POU2F2: variants seen among roughly 807,000 people sequenced by gnomAD.
POU2F2 encodes the protein POU domain, class 2, transcription factor 2.
A neutral mutation model predicts 63.5 loss-of-function variants in POU2F2; 14 were observed. That is an observed-to-expected ratio of 0.22 (90% confidence interval 0.15 to 0.34). The LOEUF (loss-of-function observed/expected upper bound fraction) is 0.34. POU2F2 is among the 10% of genes least tolerant of loss of function. POU2F2 has a pLI of 1.00. For synonymous variants in POU2F2, 306 were observed against 348.6 expected, an observed-to-expected ratio of 0.88 and a Z score of 1.36; for missense variants, 607 against 815.2, an observed-to-expected ratio of 0.74 and a Z score of 3.11.
At chr19:42,197,690 G>A (rs2035167689), upstream of POU2F2, among the ~76,000 whole-genome samples, 1 of 152,206 alleles carries the variant, frequency 6.6e-6, no homozygotes, top group South Asian at 2.1e-4. Flanking sequence ...AACAGCAGGA[G>A]GAAGTGTTTG....
chr19:42,121,279 C>T lies in POU2F2; in HGVS notation c.186+847G>A, dbSNP rs534686185. Among the ~76,000 whole-genome samples, 11 of 152,280 alleles carry T rather than the reference C, an allele frequency of 7.2e-5. 1 individual carries two copies. In the South Asian group the frequency reaches 1.9e-3, roughly 26 times the overall value. ...CCGTTCAAAGCGCTCAGCACAGAAG[C>T]AGGACATCTGCTCACAAAGCACTTT... On this transcript the variant is annotated intron_variant, in intron 4 of 14. Transcript: ENST00000692977.
rs1274276345 is a variant in POU2F2, at chr19:42,195,064, AG to A, written c.-70+1318del. Among the ~76,000 whole-genome samples the A allele has an allele frequency of 5.7e-3, 193 of 33,810 alleles. 1 individual carries two copies. Among genetic ancestry groups the A allele is most frequent in the East Asian group, 9.6e-3 (10 of 1,038 alleles). 22.2% of individuals were successfully genotyped at this position (33,810 alleles called of 152,430 possible). On this transcript the variant is annotated intron_variant, in intron 1 of 5. Transcript: ENST00000532176. ...GAGGGAGGAAGGAAGGGAGGGAGGG[AG>A]GGAGGAAGGAAGGGAGGGAGGAAGG...
At chr19:42,161,831 T>C (rs1259905937) in intron 1 of POU2F2, among the ~76,000 whole-genome samples, 2 of 152,086 alleles carry the variant, frequency 1.3e-5, no homozygotes, top group Non-Finnish European at 2.9e-5. Flanking sequence ...CAGGGGCTGC[T>C]TCCCCCCAGC....
chr19:42,091,795 C>T, intron 14 of POU2F2, 72 bp downstream of exon 14: 2 of 1,544,512 alleles, frequency 1.3e-6, no homozygotes, highest in South Asian at 2.4e-5. Context: ...ATGGCTGGAG[C>T]AGCAATGGCA....
chr19:42,179,319 G>A (rs1462158399), upstream of POU2F2, among the ~76,000 whole-genome samples: 1 of 152,124 alleles, frequency 6.6e-6, no homozygotes, highest in Non-Finnish European at 1.5e-5. Context: ...CCTGTGCCAG[G>A]CACATTATGG....
At chr19:42,174,323 A>G (rs1175579998) in intron 1 of POU2F2, among the ~76,000 whole-genome samples, 2 of 152,208 alleles carry the variant, frequency 1.3e-5, no homozygotes, top group African/African-American at 4.8e-5. Context: ...CCTAGTACCC[A>G]TACACAGAGC....
Position 42,091,264 on chromosome 19 carries a change from G to C in POU2F2, c.1868C>G (p.Pro623Arg). 1 of 1,532,604 alleles carries C rather than the reference G, an allele frequency of 6.5e-7. No homozygotes were observed. The highest frequency in any genetic ancestry group is 8.7e-7 in the Non-Finnish European group (1 of 1,145,896). The allele number at this position is 1,532,604 out of a possible 1,614,324, so 94.9% of individuals were successfully genotyped here. Residue 623 changes from proline (P) to arginine (R), a missense_variant, in exon 15 of 15, where the codon CCT (proline) becomes CGT (arginine). Physicochemically the swap from Pro to Arg is moderately radical, Grantham distance 103. Around this residue, in one of 7 missense-constraint regions of POU2F2, gnomAD observed 270 missense variants for 307.5 expected, o/e 0.88. Transcript: ENST00000692977. ...GGGAGGCATGGCTGGCCCTCACTCA[G>C]GTTTGGACCCTGCCTCGGGCCCCCC... ...GPGGPEAGSK[P>R]E
intron 1 of POU2F2, among the ~76,000 whole-genome samples, chr19:42,186,520 G>C (rs1395502623): frequency 6.6e-6 from 1 of 151,912 alleles, no homozygotes; most frequent in East Asian, 1.9e-4. Flanking sequence ...AGGCTAGATG[G>C]GGCCCAATCA....
chr19:42,095,578 G>A lies in POU2F2; in HGVS notation c.987C>T (p.Asn329=), dbSNP rs1292841074. ...RRKKRTSIET[N]VRFALEKSFL... ...AACTCTTCTCTAAGGCGAAGCGGAC[G>A]TTTGTCTCGATGCTGGTCCTCTTCT... Residue 329 remains asparagine, a synonymous_variant, in exon 10 of 15, where the codon AAC becomes AAT. Coordinates refer to ENST00000692977, the MANE Select transcript of POU2F2 (RefSeq NM_001394376.1). This position sits in a 1 kb window ranked among gnomAD's most constrained non-coding sequence, Gnocchi z 7.1. The A allele has an allele frequency of 1.2e-6, 2 of 1,610,408 alleles. No individual in the cohort carries two copies. Among genetic ancestry groups the A allele is most frequent in the Non-Finnish European group, 1.7e-6 (2 of 1,178,404 alleles).
chr19:42,146,053 G>GA (rs1284392978), intron 2 of POU2F2, among the ~76,000 whole-genome samples: 3 of 133,066 alleles, frequency 2.3e-5, no homozygotes, highest in Middle Eastern at 4.1e-3. Flanking sequence ...AAAAAAAAAA[G>GA]AAAAAAAAGA....
At chr19:42,187,819 G>A (rs2035029886) in intron 1 of POU2F2, among the ~76,000 whole-genome samples, 1 of 148,504 alleles carries the variant, frequency 6.7e-6, no homozygotes, top group Non-Finnish European at 1.5e-5. Flanking sequence ...ATGGACCACA[G>A]AAGAAGCTGT....
chr19:42,180,894 A>ATT (rs112622594), upstream of POU2F2, among the ~76,000 whole-genome samples: 18 of 140,252 alleles, frequency 1.3e-4, no homozygotes, highest in African/African-American at 4.7e-4. Context: ...ACACCCATCT[A>ATT]TTTTTTTTTT....
chr19:42,140,490 G>C (rs979094154), intron 2 of POU2F2, among the ~76,000 whole-genome samples: 1 of 152,170 alleles, frequency 6.6e-6, no homozygotes, highest in African/African-American at 2.4e-5. Flanking sequence ...AGCCACACTG[G>C]AGGAAGCTAA....
At chr19:42,106,490 C>A (rs1048049894) in intron 5 of POU2F2, among the ~76,000 whole-genome samples, 3 of 152,150 alleles carry the variant, frequency 2.0e-5, no homozygotes, top group Admixed American at 2.0e-4. Flanking sequence ...GGGAGAAGGG[C>A]AAAGGCTGAA....
At chr19:42,165,822 G>A (rs1044001821) in intron 1 of POU2F2, among the ~76,000 whole-genome samples, 1 of 152,226 alleles carries the variant, frequency 6.6e-6, no homozygotes, top group Non-Finnish European at 1.5e-5. Context: ...ATTACCATCA[G>A]CAGCCATAAA....
At chr19:42,151,214 C>G (rs1234504077) in intron 2 of POU2F2, among the ~76,000 whole-genome samples, 1 of 152,066 alleles carries the variant, frequency 6.6e-6, no homozygotes, top group Non-Finnish European at 1.5e-5. Flanking sequence ...TCCCCTCCCC[C>G]TTCCTAACAA....
At chr19:42,194,764 A>G (rs2035112795) in intron 1 of POU2F2, among the ~76,000 whole-genome samples, 1 of 142,712 alleles carries the variant, frequency 7.0e-6, no homozygotes, top group Admixed American at 7.0e-5. Context: ...GTCTCAAAAA[A>G]AAAAAAAAAA....
intron 1 of POU2F2, among the ~76,000 whole-genome samples, chr19:42,164,243 G>A (rs1420133630): frequency 6.7e-6 from 1 of 148,950 alleles, no homozygotes; most frequent in Non-Finnish European, 1.5e-5. Flanking sequence ...AGTGAGCTGA[G>A]ATTGCGCCAC....
At chr19:42,197,337 AG>A (rs1305799998), upstream of POU2F2, among the ~76,000 whole-genome samples, 1 of 152,228 alleles carries the variant, frequency 6.6e-6, no homozygotes, top group Non-Finnish European at 1.5e-5. Flanking sequence ...GTAGGTGTCC[AG>A]TGGAACTCAG....
Sources: gnomAD v4.1 joint callset for allele counts (sites outside exome capture counted in the v4.1 genomes callset) on GRCh38, gnomAD v4.1.1 for gene constraint, gnomAD v4.1.1 regional missense constraint, Gnocchi (gnomAD v3.1) non-coding constraint, MANE v1.5 for transcripts, NCBI Gene and HGNC (gene_info 2026-07-23, HGNC 2026-07-21) for gene names.